OR9Q1: variants seen among roughly 807,000 people sequenced by gnomAD.
OR9Q1 encodes olfactory receptor family 9 subfamily Q member 1, also known as olfactory receptor 9Q1.
For synonymous variants in OR9Q1, 153 were observed against 148.6 expected (o/e 1.03, Z -0.22); for missense variants, 374 against 378.8 (o/e 0.99, Z 0.11).
chr11:58,112,074 G>A (rs1418497641), intron 2 of OR9Q1, among the ~76,000 whole-genome samples: 1 of 151,812 alleles, frequency 6.6e-6, no homozygotes, highest in Non-Finnish European at 1.5e-5. Flanking sequence ...GATCACCTGA[G>A]GTCAGGAGTT....
At chr11:58,140,573 G>T (rs1359446003) in intron 2 of OR9Q1, among the ~76,000 whole-genome samples, 3 of 152,088 alleles carry the variant, frequency 2.0e-5, no homozygotes, top group South Asian at 2.1e-4. Context: ...TTTTTGTCAG[G>T]TTTGTCAAAG....
At chr11:58,032,185 A>G (rs1272879583) in intron 1 of OR9Q1, among the ~76,000 whole-genome samples, 1 of 152,240 alleles carries the variant, frequency 6.6e-6, no homozygotes, top group African/African-American at 2.4e-5. Context: ...ACACTGCCCA[A>G]AGCAATCCGC....
chr11:58,163,228 G>T (rs1411897216), intron 2 of OR9Q1, among the ~76,000 whole-genome samples: 1 of 152,130 alleles, frequency 6.6e-6, no homozygotes, highest in Non-Finnish European at 1.5e-5. Context: ...GGGAATGATT[G>T]ATTACATATA....
chr11:58,175,997 T>C (rs1854603169), intron 2 of OR9Q1, among the ~76,000 whole-genome samples: 1 of 152,094 alleles, frequency 6.6e-6, no homozygotes, highest in South Asian at 2.1e-4. Flanking sequence ...CATGTGTTCA[T>C]TTGCATTTAA....
chr11:58,157,924 A>G (rs901606676), intron 2 of OR9Q1, among the ~76,000 whole-genome samples: 2 of 152,204 alleles, frequency 1.3e-5, no homozygotes, highest in African/African-American at 4.8e-5. Flanking sequence ...TTCACTCCTT[A>G]TTTGACACCT....
chr11:58,040,266 T>C (rs1018367679), intron 1 of OR9Q1, among the ~76,000 whole-genome samples: 1 of 152,156 alleles, frequency 6.6e-6, no homozygotes, highest in Non-Finnish European at 1.5e-5. Flanking sequence ...TATCATGTGC[T>C]GAGATGTTTC....
Position 58,180,107 on chromosome 11 carries a change from C to A in OR9Q1, c.663C>A (p.Ile221=), listed in dbSNP as rs200763641. The change falls in exon 3 of 3, where the codon ATC becomes ATA. Residue 221 remains isoleucine (I), a synonymous_variant. Coordinates refer to ENST00000335397, the MANE Select transcript of OR9Q1 (RefSeq NM_001005212.4). ...TGATCTTGGTGTCCTACCTGTTTAT[C>A]ATCGTGGCCATCATGGGGATCCCTG... ...MVVILVSYLF[I]IVAIMGIPAG... 26 of 1,614,002 alleles carry A rather than the reference C, an allele frequency of 1.6e-5. No individual in the cohort carries two copies. Among genetic ancestry groups the A allele is most frequent in the Non-Finnish European group, 2.2e-5 (26 of 1,180,026 alleles).
At chr11:58,107,859 A>T (rs1307251070) in intron 2 of OR9Q1, among the ~76,000 whole-genome samples, 2 of 152,198 alleles carry the variant, frequency 1.3e-5, no homozygotes, top group Non-Finnish European at 2.9e-5. Flanking sequence ...TCAGGAGTTC[A>T]CCATCTGATG....
At chr11:58,101,890 G>GCA (rs1203000272) in intron 2 of OR9Q1, among the ~76,000 whole-genome samples, 2 of 152,252 alleles carry the variant, frequency 1.3e-5, no homozygotes, top group East Asian at 3.9e-4. Flanking sequence ...GGGATTACAG[G>GCA]TGTGCACCAC....
At position 58,181,439 on chromosome 11, in the gene OR9Q1, C is replaced by T. The variant is rs1448413906; in HGVS notation, c.*1062C>T. The T allele has an allele frequency of 6.0e-6, 1 of 166,962 alleles. No individual in the cohort carries two copies. The highest frequency in any genetic ancestry group is 2.4e-5 in the African/African-American group (1 of 41,414). The allele number at this position is 166,962 out of a possible 1,614,324, so 10.3% of individuals were successfully genotyped here. A position where few individuals can be genotyped will look rare whatever the true frequency, so the allele number is the denominator to read the frequency against. On this transcript the variant is annotated 3_prime_UTR_variant, in exon 3 of 3. Coordinates refer to ENST00000335397, the MANE Select transcript of OR9Q1 (RefSeq NM_001005212.4). The stretch of plus-strand genomic sequence containing the variant: ...TTCTTAATCTTTACTTCTCTAATCA[C>T]AGGGGACTTGTCTCAATCAAACCCA...
intron 2 of OR9Q1, among the ~76,000 whole-genome samples, chr11:58,105,491 T>C (rs1374405862): frequency 1.3e-5 from 2 of 152,192 alleles, no homozygotes; most frequent in Admixed American, 6.5e-5. Flanking sequence ...TTTCCTTTTT[T>C]TGTGGGAAGA....
At chr11:58,165,179 A>T (rs1854489462) in intron 2 of OR9Q1, among the ~76,000 whole-genome samples, 1 of 152,234 alleles carries the variant, frequency 6.6e-6, no homozygotes, top group Admixed American at 6.5e-5. Flanking sequence ...CCTGGAAGAT[A>T]ATAAGTGCCC....
intron 2 of OR9Q1, among the ~76,000 whole-genome samples, chr11:58,082,679 T>C (rs1853599192): frequency 7.0e-6 from 1 of 142,320 alleles, no homozygotes; most frequent in South Asian, 2.6e-4. Flanking sequence ...CACACCAGCA[T>C]GGCACATGTA....
intron 2 of OR9Q1, among the ~76,000 whole-genome samples, chr11:58,063,639 T>C (rs1253159209): frequency 6.6e-6 from 1 of 152,228 alleles, no homozygotes; most frequent in East Asian, 1.9e-4. Flanking sequence ...TGTTTGCATC[T>C]AACTGGATAT....
intron 1 of OR9Q1, chr11:58,031,348 G>A (rs1258513208): frequency 6.2e-7 from 1 of 1,614,016 alleles, no homozygotes; most frequent in Non-Finnish European, 8.5e-7. Flanking sequence ...CCATTTGTAT[G>A]CCTCTCCACT....
At chr11:58,063,634 G>T (rs1853400987) in intron 2 of OR9Q1, among the ~76,000 whole-genome samples, 1 of 152,152 alleles carries the variant, frequency 6.6e-6, no homozygotes, top group Non-Finnish European at 1.5e-5. Flanking sequence ...TAAAGTGTTT[G>T]CATCTAACTG....
intron 2 of OR9Q1, among the ~76,000 whole-genome samples, chr11:58,138,666 AC>A (rs1246525383): frequency 6.6e-6 from 1 of 152,140 alleles, no homozygotes; most frequent in Non-Finnish European, 1.5e-5. Flanking sequence ...AATTGACAAA[AC>A]TTGTATATAT....
chr11:58,058,229 G>A (rs924458306), intron 2 of OR9Q1, among the ~76,000 whole-genome samples: 4 of 152,198 alleles, frequency 2.6e-5, no homozygotes, highest in African/African-American at 9.7e-5. Context: ...CAACCCACAG[G>A]GCTTTGGCTG....
intron 1 of OR9Q1, among the ~76,000 whole-genome samples, chr11:58,026,059 A>C (rs778798713): frequency 3.3e-5 from 5 of 152,186 alleles, no homozygotes; most frequent in Non-Finnish European, 7.3e-5. Context: ...TACCAGACAC[A>C]TTGCAATTAG....
Sources: gnomAD v4.1 joint callset for allele counts (sites outside exome capture counted in the v4.1 genomes callset) on GRCh38, gnomAD v4.1.1 for gene constraint, MANE v1.5 for transcripts, NCBI Gene and HGNC (gene_info 2026-07-23, HGNC 2026-07-21) for gene names.